PAQR3: variants seen among roughly 807,000 people sequenced by gnomAD.
The protein encoded by PAQR3 is Raf kinase trapping to Golgi.
PAQR3 carries 39 observed loss-of-function variants against 41.7 expected under a neutral mutation model. That is an observed-to-expected ratio of 0.93 (90% CI 0.72 to 1.22). The LOEUF is 1.22. PAQR3 is among the 50% of genes most tolerant of loss of function. PAQR3 has a pLI of 0.00. For missense variants in PAQR3, 366 were observed against 385.6 expected, an observed-to-expected ratio of 0.95 and a Z score of 0.42; for synonymous variants, 140 against 140.6, an observed-to-expected ratio of 1.00 and a Z score of 0.03.
chr4:78,929,317 A>T (rs1736575771), intron 3 of PAQR3, among the ~76,000 whole-genome samples: 1 of 152,228 alleles, frequency 6.6e-6, no homozygotes, highest in Admixed American at 6.5e-5. Context: ...AGAAAAAACA[A>T]GGGCATGGTA....
At position 78,920,260 on chromosome 4, in the gene PAQR3, A is replaced by C; in HGVS notation, c.*279T>G. 1 of 1,082,810 alleles carries C rather than the reference A, an allele frequency of 9.2e-7. No individual in the cohort carries two copies. The highest frequency in any genetic ancestry group is 1.1e-6 in the Non-Finnish European group (1 of 893,684). The allele number at this position is 1,082,810 out of a possible 1,614,324, so 67.1% of individuals were successfully genotyped here. A position where few individuals can be genotyped will look rare whatever the true frequency, so the allele number is the denominator to read the frequency against. On this transcript the variant is annotated 3_prime_UTR_variant, in exon 6 of 6. Transcript: ENST00000512733. ...TGCTAAGTAAAATGAATCCTATTTC[A>C]ACACTAGTTTCCCATTCATCGTTGT...
At chr4:78,937,436 G>A (rs1737551888) in intron 1 of PAQR3, among the ~76,000 whole-genome samples, 1 of 152,158 alleles carries the variant, frequency 6.6e-6, no homozygotes, top group Non-Finnish European at 1.5e-5. Context: ...CCTTATTGAA[G>A]TTAACAGGAG....
rs1245880744 is a variant in PAQR3, at chr4:78,912,708, C to A, written c.*7831G>T. On this transcript the variant is annotated 3_prime_UTR_variant, in exon 6 of 6. Transcript: ENST00000512733. ...CTCAATTTAACTATTCCACAACTTA[C>A]ATATTCCAAAACAATGTTATACATG... is the stretch of plus-strand genomic sequence containing the variant. 1 of 152,128 alleles carries A rather than the reference C, an allele frequency of 6.6e-6. No individual in the cohort carries two copies. The highest frequency in any genetic ancestry group is 1.5e-5 in the Non-Finnish European group (1 of 68,016). 9.4% of individuals were successfully genotyped at this position (152,128 alleles called of 1,614,324 possible). A position where few individuals can be genotyped will look rare whatever the true frequency, so the allele number is the denominator to read the frequency against.
intron 11 of PAQR3, among the ~76,000 whole-genome samples, chr4:78,905,785 C>T (rs1734253033): frequency 6.6e-6 from 1 of 151,780 alleles, no homozygotes; most frequent in South Asian, 2.1e-4. Context: ...AATCTGGCCC[C>T]AGACACAAAT....
At chr4:78,900,361 C>G (rs1229468767) in intron 11 of PAQR3, among the ~76,000 whole-genome samples, 2 of 152,042 alleles carry the variant, frequency 1.3e-5, no homozygotes. Flanking sequence ...TTGACTGTGT[C>G]GGAGGTTGAT....
intron 4 of PAQR3, among the ~76,000 whole-genome samples, chr4:78,925,083 T>G (rs969260318): frequency 6.6e-6 from 1 of 152,152 alleles, no homozygotes; most frequent in African/African-American, 2.4e-5. Flanking sequence ...AGTTTCCCTT[T>G]GCTTCCTCAC....
At chr4:78,897,228 T>C (rs1733752021) in intron 11 of PAQR3, among the ~76,000 whole-genome samples, 1 of 152,032 alleles carries the variant, frequency 6.6e-6, no homozygotes, top group Non-Finnish European at 1.5e-5. Flanking sequence ...GGAACTTACC[T>C]TAAGAAAATA....
chr4:78,917,907 G>A lies in PAQR3; in HGVS notation c.*2632C>T, dbSNP rs2110125330. 2 of 983,740 alleles carry A rather than the reference G, an allele frequency of 2.0e-6. No individual in the cohort carries two copies. Among genetic ancestry groups the A allele is most frequent in the Non-Finnish European group, 2.4e-6 (2 of 828,176 alleles). 60.9% of individuals were successfully genotyped at this position (983,740 alleles called of 1,614,324 possible). A position where few individuals can be genotyped will look rare whatever the true frequency, so the allele number is the denominator to read the frequency against. ...TAAAATATGATTTTAAAGCTGTTAT[G>A]TATTACAAAGAATGACAAGCAGCAG... On this transcript the variant is annotated 3_prime_UTR_variant, in exon 6 of 6. Transcript: ENST00000512733.
intron 5 of PAQR3, chr4:78,921,944 A>G (rs1735698835): frequency 4.1e-6 from 4 of 984,988 alleles, no homozygotes; most frequent in African/African-American, 1.7e-5. Context: ...TTAAGTTACA[A>G]TAAGTTTGAT....
In PAQR3 at chr4:78,915,142, C is replaced by G. The variant is rs2110117925; in HGVS notation, c.*5397G>C. The G allele has an allele frequency of 6.6e-6, 1 of 152,134 alleles. No individual in the cohort carries two copies. The highest frequency in any genetic ancestry group is 3.4e-3 in the Middle Eastern group (1 of 294). The allele number at this position is 152,134 out of a possible 1,614,324, so 9.4% of individuals were successfully genotyped here. On this transcript the variant is annotated 3_prime_UTR_variant, in exon 6 of 6. Transcript: ENST00000512733. Reference sequence around the variant, plus strand: ...TAATTATTTTCCCTTACCCCAATCCCTGTGTACGTGTTGGGTATAGTTACG... The same window carrying G: ...TAATTATTTTCCCTTACCCCAATCCGTGTGTACGTGTTGGGTATAGTTACG...
chr4:78,911,289 A>G (rs2110110431), downstream of PAQR3: 1 of 1,614,010 alleles, frequency 6.2e-7, no homozygotes, highest in Non-Finnish European at 8.5e-7. Context: ...AATGCCATGC[A>G]GTGGGGCCTG....
Position 78,919,979 on chromosome 4 carries a change from A to G in PAQR3, c.*560T>C. The G allele has an allele frequency of 1.0e-6, 1 of 984,998 alleles. No individual in the cohort carries two copies. Among genetic ancestry groups the G allele is most frequent in the Non-Finnish European group, 1.2e-6 (1 of 829,268 alleles). The allele number at this position is 984,998 out of a possible 1,614,324, so 61.0% of individuals were successfully genotyped here. A position where few individuals can be genotyped will look rare whatever the true frequency, so the allele number is the denominator to read the frequency against. On this transcript the variant is annotated 3_prime_UTR_variant, in exon 6 of 6. Transcript: ENST00000512733. ...GAAAACTAAAATATCTAATGTTCTT[A>G]GGGAGAGAAGAACCTATAGCTAAAG... is the stretch of plus-strand genomic sequence containing the variant.
Position 78,913,537 on chromosome 4 carries a change from T to G in PAQR3, c.*7002A>C, listed in dbSNP as rs983253778. 6.6e-6 allele frequency: 1 copy of G among 152,092 alleles called. No homozygotes were observed. Among genetic ancestry groups the G allele is most frequent in the Non-Finnish European group, 1.5e-5 (1 of 67,980 alleles). 9.4% of individuals were successfully genotyped at this position (152,092 alleles called of 1,614,324 possible). A position where few individuals can be genotyped will look rare whatever the true frequency, so the allele number is the denominator to read the frequency against. ...AGTTAATGCTATTTACAGAAAGGAG[T>G]AGAAACTCATCAACTGGCACTCTCT... On this transcript the variant is annotated 3_prime_UTR_variant, in exon 6 of 6. Transcript: ENST00000512733.
At chr4:78,892,025 T>C (rs1733466222) in intron 11 of PAQR3, among the ~76,000 whole-genome samples, 1 of 152,172 alleles carries the variant, frequency 6.6e-6, no homozygotes. Flanking sequence ...TAAAAGGATG[T>C]TTTATTCATG....
At chr4:78,923,457 C>T (rs1240012587) in intron 5 of PAQR3, 3 of 225,588 alleles carry the variant, frequency 1.3e-5, no homozygotes, top group Non-Finnish European at 2.6e-5. Context: ...CATTTTCTTA[C>T]TGTCCTTTGC....
chr4:78,911,082 T>A (rs1734569856), downstream of PAQR3: 1 of 1,613,862 alleles, frequency 6.2e-7, no homozygotes, highest in Non-Finnish European at 8.5e-7. Flanking sequence ...TATCCTCTGA[T>A]GTTGCAGTGG....
chr4:78,929,508 T>C (rs752016529), intron 3 of PAQR3, among the ~76,000 whole-genome samples: 3 of 152,214 alleles, frequency 2.0e-5, no homozygotes, highest in African/African-American at 4.8e-5. Context: ...TGCTGTATTA[T>C]CTGATTACAG....
chr4:78,922,397 T>C lies in PAQR3; in HGVS notation c.793+1460A>G, dbSNP rs1007915541. On this transcript the variant is annotated intron_variant, in intron 5 of 5. Transcript: ENST00000512733. ...ACACGTGACGAGTGGTACAATCCCT[T>C]CTCTGATTCACCGTGGAAGTGATTC... is the stretch of plus-strand genomic sequence containing the variant. The C allele has an allele frequency of 5.4e-6, 7 of 1,288,852 alleles. No homozygotes were observed. The Admixed American group carries it at 1.6e-4, about 30-fold the overall frequency. The allele number at this position is 1,288,852 out of a possible 1,614,324, so 79.8% of individuals were successfully genotyped here.
At chr4:78,938,617 A>G (rs1737684088) in intron 1 of PAQR3, among the ~76,000 whole-genome samples, 1 of 152,044 alleles carries the variant, frequency 6.6e-6, no homozygotes, top group Admixed American at 6.5e-5. Context: ...TCTCGGGTGT[A>G]TATGTTAACT....
Sources: gnomAD v4.1 joint callset for allele counts (sites outside exome capture counted in the v4.1 genomes callset) on GRCh38, gnomAD v4.1.1 for gene constraint, MANE v1.5 for transcripts, NCBI Gene and HGNC (gene_info 2026-07-23, HGNC 2026-07-21) for gene names.